WBP2NL: variants seen among roughly 807,000 people sequenced by gnomAD.
WBP2NL encodes WBP2 N-terminal like, also known as postacrosomal sheath WW domain-binding protein.
WBP2NL carries 27 observed loss-of-function variants against 23.3 expected under a neutral mutation model. That is an observed-to-expected ratio of 1.16 (90% confidence interval 0.85 to 1.60). The LOEUF is 1.60. WBP2NL is among the 40% of genes most tolerant of loss of function. The pLI is 0.00. For synonymous variants in WBP2NL, 151 were observed against 145.9 expected (o/e 1.03, Z -0.25); for missense variants, 370 against 389.5 (o/e 0.95, Z 0.42).
At chr22:42,031,846 C>G (rs990636119), downstream of WBP2NL, 1 of 152,106 alleles carries the variant, frequency 6.6e-6, no homozygotes, top group African/African-American at 2.4e-5. Context: ...CAGGTGCCTG[C>G]CACCATGCTC....
chr22:42,005,478 C>T (rs1922139269), intron 1 of WBP2NL, among the ~76,000 whole-genome samples: 1 of 147,372 alleles, frequency 6.8e-6, no homozygotes, highest in Admixed American at 6.8e-5. Context: ...CTCGCTACTG[C>T]ATTCCAGCCT....
At chr22:42,013,141 G>A (rs1922980215) in intron 1 of WBP2NL, among the ~76,000 whole-genome samples, 1 of 152,018 alleles carries the variant, frequency 6.6e-6, no homozygotes, top group Admixed American at 6.6e-5. Context: ...GGGAGCCCGA[G>A]GTGAGCAGAT....
chr22:42,012,067 T>C (rs986813146), intron 1 of WBP2NL, among the ~76,000 whole-genome samples: 5 of 152,206 alleles, frequency 3.3e-5, no homozygotes, highest in African/African-American at 1.2e-4. Flanking sequence ...TGAGCCACCA[T>C]GCCTGGCTGG....
downstream of WBP2NL, among the ~76,000 whole-genome samples, chr22:42,037,437 G>GA (rs1413777623): frequency 7.1e-4 from 107 of 151,220 alleles, no homozygotes; most frequent in African/African-American, 2.4e-3. Context: ...AGGGTTTTTT[G>GA]TAGTTCCATA....
chr22:42,020,278 G>A (rs754544845), intron 4 of WBP2NL, among the ~76,000 whole-genome samples, 182 bp downstream of exon 4: 4 of 151,998 alleles, frequency 2.6e-5, no homozygotes, highest in Non-Finnish European at 5.9e-5. Flanking sequence ...GAACTCAAAT[G>A]ATCCTCTTGC....
At chr22:42,033,846 C>T (rs559772234), downstream of WBP2NL, among the ~76,000 whole-genome samples, 61 of 152,262 alleles carry the variant, frequency 4.0e-4, 1 homozygote, top group Admixed American at 1.1e-3. Context: ...AAGTACATAT[C>T]GATTGGTCCA....
downstream of WBP2NL, among the ~76,000 whole-genome samples, chr22:42,036,258 T>C (rs1925177341): frequency 6.6e-6 from 1 of 152,194 alleles, no homozygotes; most frequent in Non-Finnish European, 1.5e-5. Context: ...CACTGCAAGC[T>C]CTGCCTCCTG....
intron 8 of WBP2NL, among the ~76,000 whole-genome samples, chr22:42,043,016 GAAAA>G (rs59812729): frequency 4.0e-3 from 222 of 55,396 alleles, no homozygotes; most frequent in African/African-American, 0.011. Flanking sequence ...AGTGAGCCAA[GAAAA>G]AAAAAAAAAA....
chr22:42,001,796 G>T (rs1921721399), intron 1 of WBP2NL: 1 of 1,216,656 alleles, frequency 8.2e-7, no homozygotes, highest in Non-Finnish European at 1.2e-6. Context: ...TACAGACCAT[G>T]CAGTCTCTAA....
At chr22:42,037,490 A>G (rs1422265397), downstream of WBP2NL, among the ~76,000 whole-genome samples, 4 of 151,934 alleles carry the variant, frequency 2.6e-5, no homozygotes, top group African/African-American at 4.8e-5. Context: ...AAAAAGTGCA[A>G]TTGGGATTTT....
At chr22:42,022,066 T>C (rs1246596606) in intron 4 of WBP2NL, among the ~76,000 whole-genome samples, 183 bp from the exon 5 acceptor site, 1 of 152,138 alleles carries the variant, frequency 6.6e-6, no homozygotes, top group Non-Finnish European at 1.5e-5. Context: ...TCCTAAAATG[T>C]TGGGATTACA....
chr22:42,019,591 C>A, intron 2 of WBP2NL, 71 bp from the exon 3 acceptor site: 1 of 1,595,508 alleles, frequency 6.3e-7, no homozygotes, highest in Non-Finnish European at 8.6e-7. Context: ...CCAGAATGCA[C>A]CTTGCTCTTG....
intron 1 of WBP2NL, among the ~76,000 whole-genome samples, chr22:42,014,238 T>C (rs372684475): frequency 7.9e-5 from 12 of 152,034 alleles, no homozygotes; most frequent in African/African-American, 2.9e-4. Context: ...TCTTTTTTCT[T>C]ATTTTGAGAC....
Position 42,020,034 on chromosome 22 carries a change from T to A in WBP2NL, c.344T>A (p.Leu115Ter). 6.2e-7 allele frequency: 1 copy of A among 1,614,144 alleles called. No homozygotes were observed. Among genetic ancestry groups the A allele is most frequent in the Non-Finnish European group, 8.5e-7 (1 of 1,180,004 alleles). The change falls in exon 4 of 6, where the codon TTA becomes TAA. Residue 115 changes from leucine (L) to a stop codon, truncating the protein, a stop_gained. Coordinates refer to ENST00000328823, the MANE Select transcript of WBP2NL (RefSeq NM_152613.3). LOFTEE classifies it high-confidence loss of function. ...GGWEGQATFK[L>*]VFRNGDAIEF... ...TGGGAAGGACAAGCTACTTTTAAATTAGTCTTCAGAAATGGAGATGCCATT... is the reference window on the plus strand; with the variant it reads ...TGGGAAGGACAAGCTACTTTTAAATAAGTCTTCAGAAATGGAGATGCCATT...
In WBP2NL at chr22:42,026,822, G is replaced by C. The variant is rs1162390613; in HGVS notation, c.571G>C (p.Ala191Pro). 1 of 1,613,834 alleles carries C rather than the reference G, an allele frequency of 6.2e-7. No individual in the cohort carries two copies. Among genetic ancestry groups the C allele is most frequent in the East Asian group, 2.2e-5 (1 of 44,866 alleles). ...TGGAGCCCCACCTCCCGGATACGGA[G>C]CCCCACCTGCAGGATATGGAGCCCA... ...GYGAPPPGYG[A>P]PPAGYGAQPV... Residue 191 changes from alanine to proline, a missense_variant, in exon 6 of 6, where the codon GCC becomes CCC. Coordinates refer to ENST00000328823, the MANE Select transcript of WBP2NL (RefSeq NM_152613.3).
intron 8 of WBP2NL, among the ~76,000 whole-genome samples, chr22:42,057,332 A>G (rs1393689933): frequency 1.3e-5 from 2 of 152,020 alleles, no homozygotes; most frequent in Admixed American, 1.3e-4. Context: ...GTGAATTCTC[A>G]TTTCAACTAT....
chr22:42,042,022 T>G (rs1925416034), intron 8 of WBP2NL, among the ~76,000 whole-genome samples: 1 of 152,228 alleles, frequency 6.6e-6, no homozygotes, highest in African/African-American at 2.4e-5. Context: ...CCTACAAAAT[T>G]TTTGTGGAGA....
At chr22:42,037,404 G>A (rs377223813), downstream of WBP2NL, among the ~76,000 whole-genome samples, 42 of 151,848 alleles carry the variant, frequency 2.8e-4, no homozygotes, top group South Asian at 8.3e-4. Flanking sequence ...TTTTGTTCTC[G>A]TTCAAAATTG....
chr22:42,049,049 C>G (rs74924704), intron 8 of WBP2NL, among the ~76,000 whole-genome samples: 4,378 of 152,228 alleles, frequency 0.029, 200 homozygotes, highest in African/African-American at 0.099. Context: ...CTACTTTGTT[C>G]ACAAATGACC....
Sources: gnomAD v4.1 joint callset for allele counts (sites outside exome capture counted in the v4.1 genomes callset) on GRCh38, gnomAD v4.1.1 for gene constraint, MANE v1.5 for transcripts, NCBI Gene and HGNC (gene_info 2026-07-23, HGNC 2026-07-21) for gene names.